Variants in MAP1A observed in about 807,000 individuals in gnomAD.
MAP1A encodes microtubule-associated protein 1A.
In MAP1A, 42 loss-of-function variants were observed where a neutral mutation model predicts 185.9. That is an observed-to-expected ratio of 0.23 (90% CI 0.18 to 0.29). The LOEUF (loss-of-function observed/expected upper bound fraction) is 0.29. MAP1A is among the 10% of genes least tolerant of loss of function. The pLI is 1.00. For missense variants in MAP1A, 2,995 were observed against 3,450.4 expected (o/e 0.87, Z 3.31); for synonymous variants, 1,229 against 1,335.9 (o/e 0.92, Z 1.74).
chr15:43,528,530 C>A lies in MAP1A; in HGVS notation c.7057C>A (p.Pro2353Thr). ...GGAGAAGCCAAGCCCCTTCCAGGTT[C>A]CCTCTGAGGATTGTGCAGCCAATGG... ...ATEKPSPFQVPSEDCAANGPT... is the reference protein window; with the variant it reads ...ATEKPSPFQVTSEDCAANGPT... The change falls in exon 4 of 6, where the codon CCC becomes ACC. Residue 2353 changes from proline (P) to threonine (T), a missense_variant. Pro to Thr is a conservative substitution (Grantham distance 38). Around this residue, in one of 3 missense-constraint regions of MAP1A, gnomAD observed 2,728 missense variants for 2,986.0 expected, o/e 0.91. Transcript: ENST00000300231. 1 of 1,613,634 alleles carries A rather than the reference C, an allele frequency of 6.2e-7. No homozygotes were observed. The highest frequency in any genetic ancestry group is 8.5e-7 in the Non-Finnish European group (1 of 1,180,002).
At chr15:43,518,739 C>T (rs1212590798) in intron 1 of MAP1A, among the ~76,000 whole-genome samples, 1 of 142,390 alleles carries the variant, frequency 7.0e-6, no homozygotes, top group Non-Finnish European at 1.5e-5. Flanking sequence ...ACTGGCTGAG[C>T]ACTGTGTGTC....
chr15:43,517,603 G>A (rs1443026673), upstream of MAP1A: 10 of 98,514 alleles, frequency 1.0e-4, no homozygotes, highest in Non-Finnish European at 1.3e-4. Flanking sequence ...CCCACCGCCC[G>A]CCCCACTCCC....
chr15:43,528,032 C>G lies in MAP1A; in HGVS notation c.6559C>G (p.Arg2187Gly). ...ACAGCTGCCCTCTCCAGCTGAACCC[C>G]GCTCGGCACCCTGTGGCTCCCTTGC... Reference protein sequence around the residue: ...PPQLPSPAEPRSAPCGSLAFS... With the variant: ...PPQLPSPAEPGSAPCGSLAFS... Residue 2187 changes from arginine (R) to glycine (G), a missense_variant, in exon 4 of 6, where the codon CGC becomes GGC. Coordinates refer to ENST00000300231, the MANE Select transcript of MAP1A (RefSeq NM_002373.6). The G allele has an allele frequency of 6.2e-7, 1 of 1,614,014 alleles. No individual in the cohort carries two copies. The highest frequency in any genetic ancestry group is 8.5e-7 in the Non-Finnish European group (1 of 1,180,020).
chr15:43,520,908 G>A, intron 2 of MAP1A, 64 bp from the exon 3 acceptor site: 2 of 1,471,202 alleles, frequency 1.4e-6, no homozygotes, highest in Non-Finnish European at 9.2e-7. Flanking sequence ...AGGTACTGAG[G>A]GGCCATTCAT....
At chr15:43,514,931 C>G (rs539391808), upstream of MAP1A, among the ~76,000 whole-genome samples, 1 of 152,294 alleles carries the variant, frequency 6.6e-6, no homozygotes, top group South Asian at 2.1e-4. Context: ...CTAAAAAACA[C>G]AGGGCCGGGC....
rs189121457 is a variant in MAP1A, at chr15:43,531,222, G to C, written c.*998G>C. ...CTCTCCAAACCCGCTCTTGGACAGA[G>C]GATCTGGGAGGTGGAAGCCAGGCCA... On this transcript the variant is annotated 3_prime_UTR_variant, in exon 6 of 6. Coordinates refer to ENST00000300231, the MANE Select transcript of MAP1A (RefSeq NM_002373.6). The C allele has an allele frequency of 1.8e-4, 28 of 152,818 alleles. 1 individual carries two copies. The highest frequency in any genetic ancestry group is 6.7e-4 in the African/African-American group (28 of 41,568). The allele number at this position is 152,818 out of a possible 1,614,324, so 9.5% of individuals were successfully genotyped here.
rs1566979042 is a variant in MAP1A, at chr15:43,527,777, G to C, written c.6304G>C (p.Asp2102His). ...CAAGGAATCAGGCCGGAGTCACTGG[G>C]ATGACAGCACTAGTGACTCAGAACT... ...SPKESGRSHWDDSTSDSELEK... is the reference protein window; with the variant it reads ...SPKESGRSHWHDSTSDSELEK... The change falls in exon 4 of 6, where the codon GAT becomes CAT. Residue 2102 changes from aspartate to histidine, a missense_variant. Transcript: ENST00000300231. 6.2e-7 allele frequency: 1 copy of C among 1,613,826 alleles called. No homozygotes were observed. The highest frequency in any genetic ancestry group is 8.5e-7 in the Non-Finnish European group (1 of 1,179,912).
At position 43,526,608 on chromosome 15, in the gene MAP1A, T is replaced by G. The variant is rs754642617; in HGVS notation, c.5135T>G (p.Leu1712Arg). 10 of 1,614,018 alleles carry G rather than the reference T, an allele frequency of 6.2e-6. No individual in the cohort carries two copies. Among genetic ancestry groups the G allele is most frequent in the Non-Finnish European group, 8.5e-6 (10 of 1,180,012 alleles). Residue 1712 changes from leucine to arginine, a missense_variant, in exon 4 of 6, where the codon CTG (leucine) becomes CGG (arginine). Coordinates refer to ENST00000300231, the MANE Select transcript of MAP1A (RefSeq NM_002373.6). This position sits in a 1 kb window ranked among gnomAD's most constrained non-coding sequence, Gnocchi z 4.7. ...CERKVWFPHE[L>R]DGQGARPHYT... The stretch of plus-strand genomic sequence containing the variant: ...CGGAAGGTCTGGTTCCCTCACGAGC[T>G]GGATGGCCAGGGGGCCCGCCCACAC...
chr15:43,526,019 G>T lies in MAP1A; in HGVS notation c.4546G>T (p.Ala1516Ser). ...ACATAAGGCTCCGGAGGACACGGTCGCTGAAATGAAGGACAGAGACCTAGA... is the reference window on the plus strand; with the variant it reads ...ACATAAGGCTCCGGAGGACACGGTCTCTGAAATGAAGGACAGAGACCTAGA... ...VEHKAPEDTV[A>S]EMKDRDLEQT... Residue 1516 changes from alanine (A) to serine (S), a missense_variant, in exon 4 of 6, where the codon GCT (alanine) becomes TCT (serine). By Grantham distance (99) the Ala-to-Ser change is moderately conservative. Coordinates refer to ENST00000300231, the MANE Select transcript of MAP1A (RefSeq NM_002373.6). This position sits in a 1 kb window ranked among gnomAD's most constrained non-coding sequence, Gnocchi z 4.7. 1 of 1,613,390 alleles carries T rather than the reference G, an allele frequency of 6.2e-7. No individual in the cohort carries two copies. Among genetic ancestry groups the T allele is most frequent in the Non-Finnish European group, 8.5e-7 (1 of 1,179,882 alleles).
Position 43,523,692 on chromosome 15 carries a change from T to G in MAP1A, c.2219T>G (p.Ile740Ser). The G allele has an allele frequency of 1.2e-6, 2 of 1,613,914 alleles. No homozygotes were observed. The highest frequency in any genetic ancestry group is 1.7e-6 in the Non-Finnish European group (2 of 1,179,892). Reference protein sequence around the residue: ...EHVSYIQDETIPGYSETEQTI... With the variant: ...EHVSYIQDETSPGYSETEQTI... ...GTCTCTTACATCCAGGATGAGACAA[T>G]CCCTGGCTACTCAGAGACTGAGCAG... Residue 740 changes from isoleucine to serine, a missense_variant, in exon 4 of 6, where the codon ATC becomes AGC. Ile to Ser is a moderately radical substitution (Grantham distance 142, BLOSUM62 -2). This residue lies in a region of MAP1A where 2,728 missense variants were observed against 2,986.0 expected (regional missense o/e 0.91). Coordinates refer to ENST00000300231, the MANE Select transcript of MAP1A (RefSeq NM_002373.6).
chr15:43,511,024 C>G lies in MAP1A; in HGVS notation c.36C>G (p.Gly12=), dbSNP rs2079273310. The G allele has an allele frequency of 3.2e-6, 5 of 1,547,696 alleles. No homozygotes were observed. The African/African-American group carries it at 5.5e-5, about 17-fold the overall frequency. ...AGGCCGAGCCTGCGCGGCCTCACGG[C>G]GTTGCCATGGAGACAACTCCGGGGC... The change falls in exon 1 of 7, where the codon GGC becomes GGG. Residue 12 remains glycine (G), a synonymous_variant. Transcript: ENST00000382031.
At position 43,530,375 on chromosome 15, in the gene MAP1A, G is replaced by A; in HGVS notation, c.*151G>A. Reference sequence around the variant, plus strand: ...GGACTTGGGCTGGGCTAAATGGGAGGGGTTGTCCCTCCCCATCATCCATTC... The same window carrying A: ...GGACTTGGGCTGGGCTAAATGGGAGAGGTTGTCCCTCCCCATCATCCATTC... On this transcript the variant is annotated 3_prime_UTR_variant, in exon 6 of 6. Transcript: ENST00000300231. 1 of 917,516 alleles carries A rather than the reference G, an allele frequency of 1.1e-6. No homozygotes were observed. Among genetic ancestry groups the A allele is most frequent in the Admixed American group, 2.8e-5 (1 of 35,216 alleles). The allele number at this position is 917,516 out of a possible 1,614,324, so 56.8% of individuals were successfully genotyped here.
rs200495945 is a variant in MAP1A at position 43,527,202 on chromosome 15, G to T, written c.5729G>T (p.Arg1910Leu). The change falls in exon 4 of 6, where the codon CGC becomes CTC. Residue 1910 changes from arginine to leucine, a missense_variant. By Grantham distance (102) the Arg-to-Leu change is moderately radical. Around this residue, in one of 3 missense-constraint regions of MAP1A, gnomAD observed 2,728 missense variants for 2,986.0 expected, o/e 0.91. Transcript: ENST00000300231. The stretch of plus-strand genomic sequence containing the variant: ...TACTCCCCCCTGGGGAAGGACTACC[G>T]CAAGGCTGAAGGGGAAAGGGAAGAA... ...GPYSPLGKDY[R>L]KAEGEREEEG... 40 of 1,613,948 alleles carry T rather than the reference G, an allele frequency of 2.5e-5. No homozygotes were observed. The highest frequency in any genetic ancestry group is 3.2e-5 in the Non-Finnish European group (38 of 1,180,002).
rs779182721 is a variant in MAP1A, at chr15:43,522,264, G to A, written c.791G>A (p.Arg264His). The change falls in exon 4 of 6, where the codon CGT (arginine) becomes CAT (histidine). Residue 264 changes from arginine to histidine, a missense_variant. By Grantham distance (29) the Arg-to-His change is conservative. Transcript: ENST00000300231. This position sits in a 1 kb window ranked among gnomAD's most constrained non-coding sequence, Gnocchi z 5.9. ...LPANPTEKIV[R>H]VLFPGNAPQN... ...GCCAATCCCACTGAGAAGATTGTGC[G>A]TGTGCTTTTTCCAGGAAATGCTCCC... The A allele has an allele frequency of 3.1e-6, 5 of 1,614,202 alleles. No individual in the cohort carries two copies. Among genetic ancestry groups the A allele is most frequent in the Non-Finnish European group, 2.5e-6 (3 of 1,180,038 alleles).
chr15:43,523,234 A>G lies in MAP1A; in HGVS notation c.1761A>G (p.Glu587=). Residue 587 remains glutamate (E), a synonymous_variant, in exon 4 of 6, where the codon GAA becomes GAG. Transcript: ENST00000300231. ...CTGTTCCAGGGCTGGGACAAGAAGA[A>G]CATGTGATGAAGGAGAAAGAGCTTG... The part of the protein sequence containing the change: ...PPSVPGLGQE[E]HVMKEKELVP... 6.2e-7 allele frequency: 1 copy of G among 1,614,110 alleles called. No homozygotes were observed. The highest frequency in any genetic ancestry group is 1.1e-5 in the South Asian group (1 of 91,074).
upstream of MAP1A, among the ~76,000 whole-genome samples, chr15:43,513,282 G>A (rs1338405704): frequency 4.0e-5 from 6 of 151,874 alleles, no homozygotes; most frequent in South Asian, 4.2e-4. Flanking sequence ...AGCCAAGATC[G>A]TGCCATTGCA....
upstream of MAP1A, among the ~76,000 whole-genome samples, chr15:43,514,996 A>G (rs555662794): frequency 1.3e-5 from 2 of 152,288 alleles, no homozygotes; most frequent in African/African-American, 4.8e-5. Flanking sequence ...TGGGTGGATC[A>G]CTTGAGGTTA....
In MAP1A at chr15:43,522,641, G is replaced by A; in HGVS notation, c.1168G>A (p.Ala390Thr). Residue 390 changes from alanine (A) to threonine (T), a missense_variant, in exon 4 of 6, where the codon GCA (alanine) becomes ACA (threonine). This residue lies in a region of MAP1A where 2,728 missense variants were observed against 2,986.0 expected (regional missense o/e 0.91). Coordinates refer to ENST00000300231, the MANE Select transcript of MAP1A (RefSeq NM_002373.6). This position sits in a 1 kb window ranked among gnomAD's most constrained non-coding sequence, Gnocchi z 5.9. The stretch of plus-strand genomic sequence containing the variant: ...GACAGAGTCAAGTGAGGCACTGAAG[G>A]CAGAGAAGCGAAAGCTGATCAAAGA... ...VKTESSEALK[A>T]EKRKLIKDKV... 1 of 1,612,938 alleles carries A rather than the reference G, an allele frequency of 6.2e-7. No individual in the cohort carries two copies. Among genetic ancestry groups the A allele is most frequent in the Non-Finnish European group, 8.5e-7 (1 of 1,179,566 alleles).
chr15:43,511,094 G>A (rs1214476538), exon 1 of MAP1A: 1 of 1,550,114 alleles, frequency 6.5e-7, no homozygotes, highest in Non-Finnish European at 8.7e-7. Flanking sequence ...GAACCCCGCG[G>A]AGCTGCTGTG....
Sources: gnomAD v4.1 joint callset for allele counts (sites outside exome capture counted in the v4.1 genomes callset) on GRCh38, gnomAD v4.1.1 for gene constraint, gnomAD v4.1.1 regional missense constraint, Gnocchi (gnomAD v3.1) non-coding constraint, MANE v1.5 for transcripts, NCBI Gene and HGNC (gene_info 2026-07-23, HGNC 2026-07-21) for gene names.